Variants in LIMK2 observed in about 807,000 individuals in gnomAD.
LIMK2 encodes LIM domain kinase 2.
A neutral mutation model predicts 75.7 loss-of-function variants in LIMK2; 35 were observed. That is an observed-to-expected ratio of 0.46 (90% CI 0.35 to 0.61). The LOEUF (loss-of-function observed/expected upper bound fraction) is 0.61, where lower values mean the gene tolerates loss of function less well. LIMK2 is among the 20% of genes least tolerant of loss of function. The pLI, the probability that LIMK2 is intolerant of heterozygous loss-of-function variation, is 0.00. For synonymous variants in LIMK2, 301 were observed against 319.2 expected, an observed-to-expected ratio of 0.94 and a Z score of 0.61; for missense variants, 623 against 831.0, an observed-to-expected ratio of 0.75 and a Z score of 3.08.
rs2048806082 is a variant in LIMK2, at chr22:31,258,392, A to G, written c.218A>G (p.His73Arg). The change falls in exon 3 of 16, where the codon CAT becomes CGT. Residue 73 changes from histidine to arginine, a missense_variant. By Grantham distance (29) the His-to-Arg change is conservative. This residue lies in a region of LIMK2 where 514 missense variants were observed against 661.3 expected (regional missense o/e 0.78). Coordinates refer to ENST00000331728, the MANE Select transcript of LIMK2 (RefSeq NM_005569.4). The part of the protein sequence containing the change: ...DYWGKFGEFC[H>R]GCSLLMTGPF... ...TGGGGGAAGTTTGGGGAGTTCTGTC[A>G]TGGGTGCTCCCTGCTGATGACAGGG... is the stretch of plus-strand genomic sequence containing the variant. 6.2e-7 allele frequency: 1 copy of G among 1,614,140 alleles called. No individual in the cohort carries two copies. The highest frequency in any genetic ancestry group is 8.5e-7 in the Non-Finnish European group (1 of 1,179,998).
chr22:31,220,546 G>T (rs181299351), intron 1 of LIMK2, among the ~76,000 whole-genome samples: 2 of 151,878 alleles, frequency 1.3e-5, no homozygotes, highest in South Asian at 2.1e-4. Flanking sequence ...GGAGAGAGAG[G>T]GACTGAAGGA....
At chr22:31,261,218 T>C (rs1345064519) in intron 5 of LIMK2, among the ~76,000 whole-genome samples, 5 of 152,078 alleles carry the variant, frequency 3.3e-5, no homozygotes, top group Non-Finnish European at 7.4e-5. Context: ...GCCAGCACTT[T>C]GGGAGGCCAA....
chr22:31,272,865 T>C, intron 13 of LIMK2, 161 bp downstream of exon 13: 5 of 1,405,122 alleles, frequency 3.6e-6, no homozygotes, highest in Non-Finnish European at 4.6e-6. Context: ...ACGATTTAGC[T>C]CCTGAGCTCA....
chr22:31,261,850 A>G (rs1187830321), intron 5 of LIMK2, among the ~76,000 whole-genome samples: 3 of 152,252 alleles, frequency 2.0e-5, no homozygotes, highest in African/African-American at 7.2e-5. Context: ...AACTACAATG[A>G]TGGAAAGAAG....
rs563117036 is a variant in LIMK2 at position 31,265,877 on chromosome 22, T to G, written c.855-69T>G. 1.2e-5 allele frequency: 17 copies of G among 1,371,012 alleles called. No homozygotes were observed. The African/African-American group carries it at 2.4e-4, about 20-fold the overall frequency. 84.9% of individuals were successfully genotyped at this position (1,371,012 alleles called of 1,614,324 possible). On this transcript the variant is annotated intron_variant, in intron 7 of 15. Coordinates refer to ENST00000331728, the MANE Select transcript of LIMK2 (RefSeq NM_005569.4). ...AATGAACAGGTGCCCCTAAGTTTCC[T>G]CCCTCCAGGGTTTCTTGGCCGGTCT...
intron 2 of LIMK2, among the ~76,000 whole-genome samples, chr22:31,235,994 C>T (rs1360899565): frequency 3.9e-5 from 6 of 152,174 alleles, no homozygotes; most frequent in African/African-American, 1.4e-4. Context: ...CTTCATTTTT[C>T]TCATCTAGAA....
intron 2 of LIMK2, among the ~76,000 whole-genome samples, chr22:31,252,704 G>T (rs1458701930): frequency 6.6e-6 from 1 of 152,114 alleles, no homozygotes; most frequent in African/African-American, 2.4e-5. Flanking sequence ...TTTGCCCTTG[G>T]TGGTCTCAAA....
intron 2 of LIMK2, among the ~76,000 whole-genome samples, chr22:31,249,959 G>T (rs2048708965): frequency 2.6e-5 from 4 of 152,184 alleles, no homozygotes; most frequent in Non-Finnish European, 4.4e-5. Context: ...GAGGCAACCA[G>T]TTTCAACAGA....
intron 15 of LIMK2, chr22:31,276,797 C>A (rs374368003): frequency 1.9e-6 from 3 of 1,609,486 alleles, no homozygotes; most frequent in Admixed American, 1.7e-5. Context: ...AGAGCCCCCC[C>A]CGGGGCCGCA....
chr22:31,248,889 C>A, intron 2 of LIMK2: 1 of 1,072,746 alleles, frequency 9.3e-7, no homozygotes, highest in Non-Finnish European at 1.4e-6. Flanking sequence ...CGGGCAGAAG[C>A]CAGCGGAGGT....
At chr22:31,236,219 G>C (rs1470811314) in intron 2 of LIMK2, among the ~76,000 whole-genome samples, 1 of 150,858 alleles carries the variant, frequency 6.6e-6, no homozygotes, top group Non-Finnish European at 1.5e-5. Flanking sequence ...ACTTGAACCT[G>C]GAAGGCAGAG....
chr22:31,255,063 T>C (rs1247107613), intron 2 of LIMK2, among the ~76,000 whole-genome samples: 1 of 152,138 alleles, frequency 6.6e-6, no homozygotes, highest in Non-Finnish European at 1.5e-5. Flanking sequence ...CCAAGATCAC[T>C]TAGGTGGTAA....
At chr22:31,219,043 G>A (rs2413041) in intron 1 of LIMK2, among the ~76,000 whole-genome samples, 13,047 of 152,202 alleles carry the variant, frequency 0.086, 848 homozygotes, top group East Asian at 0.4. Flanking sequence ...GACTGCATTG[G>A]CTCTGAGCTG....
intron 2 of LIMK2, among the ~76,000 whole-genome samples, chr22:31,243,704 C>T (rs1470944524): frequency 6.6e-6 from 1 of 152,232 alleles, no homozygotes; most frequent in East Asian, 1.9e-4. Context: ...AGGATTCCTG[C>T]AGTTGCCTCT....
At chr22:31,259,255 C>T in intron 4 of LIMK2, 25 bp downstream of exon 4, 3 of 1,447,898 alleles carry the variant, frequency 2.1e-6, no homozygotes, top group South Asian at 1.1e-5. Context: ...CTTTGTCTAT[C>T]CTCTCCCATA....
chr22:31,215,943 T>C (rs1201017616), intron 1 of LIMK2, among the ~76,000 whole-genome samples: 2 of 152,270 alleles, frequency 1.3e-5, no homozygotes, highest in African/African-American at 4.8e-5. Context: ...TGCTATGTGC[T>C]AAACTCTTTT....
Position 31,280,017 on chromosome 22 carries a change from G to C in LIMK2, c.*1576G>C, listed in dbSNP as rs1396397439. The C allele has an allele frequency of 6.6e-6, 1 of 152,340 alleles. No homozygotes were observed. The highest frequency in any genetic ancestry group is 1.5e-5 in the Non-Finnish European group (1 of 68,082). The allele number at this position is 152,340 out of a possible 1,614,324, so 9.4% of individuals were successfully genotyped here. Reference sequence around the variant, plus strand: ...CTGGCTGTCCCCAGCAAGTGTAGGAGTGGTGGGCCTGAACTGGGCCATTGA... The same window carrying C: ...CTGGCTGTCCCCAGCAAGTGTAGGACTGGTGGGCCTGAACTGGGCCATTGA... On this transcript the variant is annotated 3_prime_UTR_variant, in exon 16 of 16. Transcript: ENST00000331728.
chr22:31,219,516 A>G (rs2048415946), intron 1 of LIMK2, among the ~76,000 whole-genome samples: 1 of 152,142 alleles, frequency 6.6e-6, no homozygotes, highest in African/African-American at 2.4e-5. Flanking sequence ...TATTGTTTGA[A>G]GGTACTGTGA....
intron 2 of LIMK2, among the ~76,000 whole-genome samples, chr22:31,245,653 T>C (rs1302255768): frequency 6.6e-6 from 1 of 152,124 alleles, no homozygotes; most frequent in African/African-American, 2.4e-5. Context: ...TTACCCAGGC[T>C]GGTCTCAAAC....
Sources: gnomAD v4.1 joint callset for allele counts (sites outside exome capture counted in the v4.1 genomes callset) on GRCh38, gnomAD v4.1.1 for gene constraint, gnomAD v4.1.1 regional missense constraint, MANE v1.5 for transcripts, NCBI Gene and HGNC (gene_info 2026-07-23, HGNC 2026-07-21) for gene names.